The following ASTN2 variants were observed in gnomAD, a reference collection of about 807,000 sequenced individuals.
ASTN2 encodes astrotactin-2.
ASTN2 carries 54 observed loss-of-function variants against 139.8 expected under a neutral mutation model. That is an observed-to-expected ratio of 0.39 (90% CI 0.31 to 0.48). ASTN2 has a LOEUF of 0.48. Among genes scored for constraint, ASTN2 ranks in the 20% least tolerant of loss-of-function variants. The pLI is 0.95. For synonymous variants in ASTN2, 756 were observed against 719.5 expected, an observed-to-expected ratio of 1.05 and a Z score of -0.81; for missense variants, 1,565 against 1,725.1, an observed-to-expected ratio of 0.91 and a Z score of 1.64.
At chr9:117,236,120 G>A (rs1833037399) in intron 2 of ASTN2, among the ~76,000 whole-genome samples, 1 of 152,088 alleles carries the variant, frequency 6.6e-6, no homozygotes, top group African/African-American at 2.4e-5. Context: ...AGAAAACTGA[G>A]GCACATTCAC....
intron 10 of ASTN2, among the ~76,000 whole-genome samples, chr9:116,946,307 T>C (rs1401584153): frequency 6.6e-6 from 1 of 152,180 alleles, no homozygotes; most frequent in African/African-American, 2.4e-5. Flanking sequence ...GGCTCCCCAC[T>C]AATTCTTATG....
chr9:117,282,677 C>T (rs1278914989), intron 2 of ASTN2, among the ~76,000 whole-genome samples: 6 of 148,134 alleles, frequency 4.1e-5, no homozygotes, highest in African/African-American at 1.6e-4. Context: ...AAGAGGCATC[C>T]TATATTTTTG....
intron 6 of ASTN2, among the ~76,000 whole-genome samples, chr9:117,015,110 A>T (rs1327265363): frequency 1.3e-5 from 2 of 152,138 alleles, no homozygotes; most frequent in Non-Finnish European, 2.9e-5. Context: ...TCCCTGGCTC[A>T]GGTGATCCTC....
In ASTN2 at chr9:116,429,555, A is replaced by C. The variant is rs142951032; in HGVS notation, c.3783-3467T>G. On this transcript the variant is annotated intron_variant, in intron 22 of 22. Coordinates refer to ENST00000313400, the MANE Select transcript of ASTN2 (RefSeq NM_001365068.1). ...GTCAGTACACGTCAAACTCTTAGAA[A>C]ATTACTTGGCACAAAGCAAGCACCT... Among the ~76,000 whole-genome samples, 410 of 152,236 alleles carry C rather than the reference A, an allele frequency of 2.7e-3. 2 individuals are homozygous for C. The highest frequency in any genetic ancestry group is 8.6e-3 in the African/African-American group (359 of 41,530).
intron 5 of ASTN2, among the ~76,000 whole-genome samples, chr9:117,087,113 C>T (rs989533342): frequency 3.3e-5 from 5 of 152,190 alleles, no homozygotes; most frequent in African/African-American, 7.2e-5. Flanking sequence ...AGGATGGTGA[C>T]GTGAAAAGCT....
intron 19 of ASTN2, among the ~76,000 whole-genome samples, chr9:116,538,634 A>C (rs941431975): frequency 3.3e-5 from 5 of 152,190 alleles, no homozygotes; most frequent in African/African-American, 1.2e-4. Context: ...TGTTGATCTA[A>C]GGAAAAGTAC....
intron 10 of ASTN2, among the ~76,000 whole-genome samples, chr9:116,882,733 A>C (rs1232357774): frequency 2.0e-5 from 3 of 152,126 alleles, no homozygotes; most frequent in Non-Finnish European, 2.9e-5. Context: ...AGGCCAAGGC[A>C]GGAGGATTGC....
chr9:116,875,771 T>C (rs1248194084), intron 10 of ASTN2, among the ~76,000 whole-genome samples: 1 of 152,210 alleles, frequency 6.6e-6, no homozygotes, highest in Non-Finnish European at 1.5e-5. Flanking sequence ...AGAATTATGC[T>C]AAATCTACTC....
chr9:116,858,314 A>T (rs1006435136), intron 11 of ASTN2, among the ~76,000 whole-genome samples: 1 of 152,190 alleles, frequency 6.6e-6, no homozygotes, highest in African/African-American at 2.4e-5. Flanking sequence ...CTATGAACTG[A>T]TACTTCAAAA....
chr9:116,681,024 G>A (rs1256912264), intron 16 of ASTN2, among the ~76,000 whole-genome samples: 4 of 152,198 alleles, frequency 2.6e-5, no homozygotes, highest in African/African-American at 7.2e-5. Context: ...TTCTGGCCAG[G>A]GCAATTAGGC....
intron 13 of ASTN2, among the ~76,000 whole-genome samples, chr9:116,773,280 G>A (rs73655483): frequency 3.2e-4 from 48 of 152,246 alleles, no homozygotes; most frequent in African/African-American, 1.1e-3. Flanking sequence ...ACATTTACCT[G>A]CCCTGCCCAA....
At chr9:117,159,871 A>T (rs997199550) in intron 3 of ASTN2, among the ~76,000 whole-genome samples, 8 of 152,036 alleles carry the variant, frequency 5.3e-5, no homozygotes, top group Non-Finnish European at 8.8e-5. Context: ...GTATTCATCA[A>T]TGTGTTTGTG....
intron 5 of ASTN2, among the ~76,000 whole-genome samples, chr9:117,045,443 T>C (rs1289400391): frequency 1.3e-5 from 2 of 152,010 alleles, no homozygotes; most frequent in East Asian, 3.9e-4. Context: ...CACCCGGGCA[T>C]ATTGATTGCT....
chr9:116,449,128 G>A (rs1470496415), intron 20 of ASTN2, among the ~76,000 whole-genome samples: 2 of 152,220 alleles, frequency 1.3e-5, no homozygotes, highest in Admixed American at 6.5e-5. Flanking sequence ...GTGTGTGGCC[G>A]GGCGTGGTGG....
At chr9:117,316,103 T>A (rs1227473314) in intron 1 of ASTN2, among the ~76,000 whole-genome samples, 1 of 152,194 alleles carries the variant, frequency 6.6e-6, no homozygotes, top group Non-Finnish European at 1.5e-5. Context: ...CCATCACAAA[T>A]TGCATGGCTT....
At position 117,271,337 on chromosome 9, in the gene ASTN2, A is replaced by G. The variant is rs1405879908; in HGVS notation, c.630+19989T>C. 2.6e-5 allele frequency among the ~76,000 whole-genome samples: 4 copies of G among 152,200 alleles called. No individual in the cohort carries two copies. The South Asian group carries it at 6.2e-4, about 24-fold the overall frequency. ...AATACCATGGGAAAGACCAGCACCT[A>G]TGATTCGATTACCTCCCCTTGGGTG... On this transcript the variant is annotated intron_variant, in intron 2 of 22. Transcript: ENST00000313400.
intron 3 of ASTN2, among the ~76,000 whole-genome samples, chr9:117,164,859 C>G (rs1386764195): frequency 6.6e-6 from 1 of 152,092 alleles, no homozygotes; most frequent in Non-Finnish European, 1.5e-5. Flanking sequence ...TGAATGAATG[C>G]CCTCTCCATG....
chr9:117,278,337 A>G (rs949269717), intron 2 of ASTN2, among the ~76,000 whole-genome samples: 3 of 152,216 alleles, frequency 2.0e-5, no homozygotes, highest in African/African-American at 7.2e-5. Flanking sequence ...CCTTCCACAC[A>G]AGAGGAAACA....
intron 1 of ASTN2, among the ~76,000 whole-genome samples, chr9:117,386,887 G>A (rs947651846): frequency 6.6e-6 from 1 of 152,164 alleles, no homozygotes. Context: ...AACACTTTGT[G>A]TTGTAAAAGA....
Sources: allele counts gnomAD v4.1 joint callset (sites outside exome capture counted in the v4.1 genomes callset), GRCh38; gene constraint gnomAD v4.1.1; transcripts MANE v1.5; gene names NCBI Gene and HGNC (gene_info 2026-07-23, HGNC 2026-07-21).